FSIP1: variants seen among roughly 807,000 people sequenced by gnomAD.
FSIP1 encodes fibrous sheath interacting protein 1, also known as fibrous sheath-interacting protein 1.
In FSIP1, 65 loss-of-function variants were observed where a neutral mutation model predicts 60.9. The observed-to-expected ratio is 1.07, with a 90% CI of 0.87 to 1.31. The LOEUF (loss-of-function observed/expected upper bound fraction) is 1.31, where lower values mean the gene tolerates loss of function less well. Ranked by LOEUF, FSIP1 falls within the 40% of genes most tolerant of loss-of-function variation. The pLI, the probability that FSIP1 is intolerant of heterozygous loss-of-function variation, is 0.00. For missense variants in FSIP1, 675 were observed against 665.5 expected (o/e 1.01, Z -0.16); for synonymous variants, 209 against 221.2 (o/e 0.94, Z 0.49).
intron 1 of FSIP1, among the ~76,000 whole-genome samples, chr15:39,778,682 A>C (rs1160033477): frequency 6.6e-6 from 1 of 152,230 alleles, no homozygotes; most frequent in African/African-American, 2.4e-5. Context: ...ACCAAATATT[A>C]TGCCTTAATT....
intron 1 of FSIP1, among the ~76,000 whole-genome samples, chr15:39,777,538 C>G (rs1228510089): frequency 6.6e-6 from 1 of 152,170 alleles, no homozygotes; most frequent in Non-Finnish European, 1.5e-5. Context: ...AGTGCTATTT[C>G]CGGAAGCAAG....
At chr15:39,680,300 T>A (rs1171309387) in intron 10 of FSIP1, among the ~76,000 whole-genome samples, 1 of 152,214 alleles carries the variant, frequency 6.6e-6, no homozygotes. Flanking sequence ...AACCAGTTCT[T>A]AGAGTGTATT....
chr15:39,701,320 A>G (rs1365506392), intron 10 of FSIP1, among the ~76,000 whole-genome samples: 1 of 152,150 alleles, frequency 6.6e-6, no homozygotes. Flanking sequence ...AAAAAGTTGG[A>G]AAAAAATCCA....
intron 10 of FSIP1, among the ~76,000 whole-genome samples, chr15:39,629,761 A>C (rs7168088): frequency 3.2e-4 from 49 of 152,336 alleles, no homozygotes; most frequent in African/African-American, 1.2e-3. Flanking sequence ...ACTTAACCTG[A>C]AGAGGTGATT....
chr15:39,619,187 T>G (rs1595537775), intron 10 of FSIP1, among the ~76,000 whole-genome samples: 1 of 152,292 alleles, frequency 6.6e-6, no homozygotes, highest in East Asian at 1.9e-4. Context: ...ATATGTAAAG[T>G]ACTGAAATAA....
chr15:39,618,667 G>A (rs1171541645), intron 10 of FSIP1, among the ~76,000 whole-genome samples: 1 of 152,232 alleles, frequency 6.6e-6, no homozygotes, highest in Non-Finnish European at 1.5e-5. Context: ...CTAGGCAGAG[G>A]CCAGGGGCAT....
chr15:39,737,959 G>C (rs1896669242), intron 8 of FSIP1, 132 bp downstream of exon 8: 1 of 570,144 alleles, frequency 1.8e-6, no homozygotes, highest in Non-Finnish European at 3.0e-6. Context: ...AGTAAAACAG[G>C]GTTTTTTTAA....
chr15:39,726,739 C>A lies in FSIP1; in HGVS notation c.900G>T (p.Gln300His). The A allele has an allele frequency of 6.2e-7, 1 of 1,613,934 alleles. No individual in the cohort carries two copies. Among genetic ancestry groups the A allele is most frequent in the Non-Finnish European group, 8.5e-7 (1 of 1,179,914 alleles). Reference sequence around the variant, plus strand: ...CTTTTACTGGGACCACCCAGCCAGACTGATCACCCTAAGAGGAAACAAGGG... The same window carrying A: ...CTTTTACTGGGACCACCCAGCCAGAATGATCACCCTAAGAGGAAACAAGGG... ...DSGLSSSEGD[Q>H]SGWVVPVKGY... Residue 300 changes from glutamine (Q) to histidine (H), a missense_variant, in exon 9 of 12, where the codon CAG becomes CAT. Coordinates refer to ENST00000350221, the MANE Select transcript of FSIP1 (RefSeq NM_152597.5).
chr15:39,634,483 A>C (rs897014493), intron 10 of FSIP1, among the ~76,000 whole-genome samples: 1 of 152,198 alleles, frequency 6.6e-6, no homozygotes, highest in Non-Finnish European at 1.5e-5. Context: ...TCAGCACTGT[A>C]TAACACAGCT....
At chr15:39,617,547 G>A (rs1265064340) in intron 11 of FSIP1, among the ~76,000 whole-genome samples, 188 bp downstream of exon 11, 1 of 152,162 alleles carries the variant, frequency 6.6e-6, no homozygotes, top group Non-Finnish European at 1.5e-5. Context: ...GTATTTCATA[G>A]AGTACTAACC....
chr15:39,615,460 A>T (rs1358851674), intron 11 of FSIP1, among the ~76,000 whole-genome samples: 3 of 151,998 alleles, frequency 2.0e-5, no homozygotes, highest in Non-Finnish European at 4.4e-5. Flanking sequence ...ACCTGAACAG[A>T]CATTTCCCAA....
chr15:39,607,092 C>T (rs570701886), intron 11 of FSIP1, among the ~76,000 whole-genome samples: 1 of 152,324 alleles, frequency 6.6e-6, no homozygotes, highest in African/African-American at 2.4e-5. Flanking sequence ...ACACCCTCCA[C>T]ACTGTCCGTG....
intron 2 of FSIP1, among the ~76,000 whole-genome samples, chr15:39,773,290 A>T (rs1897949079): frequency 6.6e-6 from 1 of 152,222 alleles, no homozygotes; most frequent in Non-Finnish European, 1.5e-5. Flanking sequence ...TCAGCATACA[A>T]TATATTTGTA....
chr15:39,638,303 GCAATCTGCC>G (rs1198771184), intron 10 of FSIP1, among the ~76,000 whole-genome samples: 1 of 152,174 alleles, frequency 6.6e-6, no homozygotes, highest in Non-Finnish European at 1.5e-5. Context: ...GCATGTTAAA[GCAATCTGCC>G]CTCCAAAAAG....
At chr15:39,753,247 T>G (rs1318092389) in intron 5 of FSIP1, among the ~76,000 whole-genome samples, 1 of 152,118 alleles carries the variant, frequency 6.6e-6, no homozygotes, top group Non-Finnish European at 1.5e-5. Flanking sequence ...ATCTTTCAAA[T>G]TTGAAGGGAA....
intron 6 of FSIP1, 48 bp downstream of exon 6, chr15:39,741,757 C>A: frequency 1.1e-6 from 1 of 896,602 alleles, no homozygotes; most frequent in Non-Finnish European, 1.8e-6. Flanking sequence ...TGTATACAGC[C>A]AGTATTCCCT....
At chr15:39,598,672 G>C (rs1890534540), downstream of FSIP1, 1 of 152,122 alleles carries the variant, frequency 6.6e-6, no homozygotes, top group East Asian at 1.9e-4. Context: ...TGAAATAAAG[G>C]ACTTGTTAAA....
chr15:39,631,055 CG>C (rs1891863646), intron 10 of FSIP1, among the ~76,000 whole-genome samples: 1 of 152,218 alleles, frequency 6.6e-6, no homozygotes, highest in Non-Finnish European at 1.5e-5. Flanking sequence ...GTAAGCTCCT[CG>C]GGCTGGCACC....
At chr15:39,731,519 G>A (rs1896402928) in intron 8 of FSIP1, among the ~76,000 whole-genome samples, 2 of 152,164 alleles carry the variant, frequency 1.3e-5, no homozygotes, top group Non-Finnish European at 2.9e-5. Context: ...ATATGACACT[G>A]AAGTTAAAAG....
Sources: gnomAD v4.1 joint callset for allele counts (sites outside exome capture counted in the v4.1 genomes callset) on GRCh38, gnomAD v4.1.1 for gene constraint, MANE v1.5 for transcripts, NCBI Gene and HGNC (gene_info 2026-07-23, HGNC 2026-07-21) for gene names.